Variants in FA2H observed in about 807,000 individuals in gnomAD.
FA2H encodes the protein fatty acid 2-hydroxylase.
Under a neutral mutation model 44.9 loss-of-function variants are expected in FA2H, and 22 were observed. The observed-to-expected ratio is 0.49, with a 90% CI of 0.35 to 0.70. The LOEUF is 0.70. Among genes scored for constraint, FA2H ranks in the 30% least tolerant of loss-of-function variants. FA2H has a pLI of 0.01. For synonymous variants in FA2H, 243 were observed against 213.2 expected (o/e 1.14, Z -1.22); for missense variants, 501 against 504.9 (o/e 0.99, Z 0.07).
intron 1 of FA2H, among the ~76,000 whole-genome samples, chr16:74,767,181 T>C (rs560429600): frequency 6.6e-6 from 1 of 152,188 alleles, no homozygotes; most frequent in Admixed American, 6.5e-5. Flanking sequence ...TGGTGGTGTG[T>C]GCCTGTAATC....
At chr16:74,757,364 A>C (rs934567895) in intron 1 of FA2H, among the ~76,000 whole-genome samples, 2 of 152,232 alleles carry the variant, frequency 1.3e-5, no homozygotes, top group African/African-American at 4.8e-5. Context: ...AAGTGTGGAG[A>C]AACAGGCATT....
chr16:74,732,522 C>A (rs932196045), intron 2 of FA2H, among the ~76,000 whole-genome samples: 3 of 150,680 alleles, frequency 2.0e-5, no homozygotes, highest in Middle Eastern at 3.4e-3. Context: ...CTGCAACCTC[C>A]ACTTCTCCGG....
rs146023740 is a variant in FA2H, at chr16:74,758,091, G to A, written c.270+16395C>T. On this transcript the variant is annotated intron_variant, in intron 1 of 6. Transcript: ENST00000219368. ...CACAAAAAATGATGGTATTTATAGA[G>A]GGACTAGAGTGAGAGGGAAACAATT... 2.8e-3 allele frequency among the ~76,000 whole-genome samples: 431 copies of A among 151,702 alleles called. 3 individuals carry two copies. Among genetic ancestry groups the A allele is most frequent in the African/African-American group, 0.01 (419 of 41,332 alleles).
intron 2 of FA2H, among the ~76,000 whole-genome samples, chr16:74,733,937 G>C (rs1249676390): frequency 1.3e-5 from 2 of 152,196 alleles, no homozygotes; most frequent in African/African-American, 4.8e-5. Flanking sequence ...CCTGGGAGGA[G>C]GGGTCCTGGG....
Position 74,720,180 on chromosome 16 carries a change from C to CTTTT in FA2H, c.614-1024_614-1021dup, listed in dbSNP as rs56341013. 6.9e-3 allele frequency among the ~76,000 whole-genome samples: 324 copies of CTTTT among 47,254 alleles called. 74 individuals are homozygous for CTTTT. Among genetic ancestry groups the CTTTT allele is most frequent in the African/African-American group, 0.023 (224 of 9,826 alleles). 31.0% of individuals were successfully genotyped at this position (47,254 alleles called of 152,430 possible). A position where few individuals can be genotyped will look rare whatever the true frequency, so the allele number is the denominator to read the frequency against. ...TTTGCTCCATATATTCATCCTCATC[C>CTTTT]TTTTTTTTTTTTTTTTTTTTTTTTT... On this transcript the variant is annotated intron_variant, in intron 4 of 6. Transcript: ENST00000219368.
chr16:74,768,965 G>A (rs994452768), intron 1 of FA2H, among the ~76,000 whole-genome samples: 8 of 152,082 alleles, frequency 5.3e-5, no homozygotes, highest in African/African-American at 1.7e-4. Flanking sequence ...AGCTGGCATA[G>A]TCAGATATCT....
At chr16:74,746,149 C>T (rs1045536298) in intron 1 of FA2H, among the ~76,000 whole-genome samples, 1 of 152,030 alleles carries the variant, frequency 6.6e-6, no homozygotes, top group Non-Finnish European at 1.5e-5. Flanking sequence ...AAGCAGACTA[C>T]AGTGAAATAG....
intron 2 of FA2H, among the ~76,000 whole-genome samples, chr16:74,738,028 C>T (rs2144631338): frequency 6.6e-6 from 1 of 152,296 alleles, no homozygotes; most frequent in Non-Finnish European, 1.5e-5. Flanking sequence ...AGAAAAGCAC[C>T]CTCTGCCCTC....
chr16:74,769,841 A>G (rs1962873312), intron 1 of FA2H, among the ~76,000 whole-genome samples: 1 of 152,186 alleles, frequency 6.6e-6, no homozygotes, highest in African/African-American at 2.4e-5. Context: ...TTCCCTGCTC[A>G]GCCACGGCTC....
intron 1 of FA2H, among the ~76,000 whole-genome samples, chr16:74,767,875 A>G (rs1481287030): frequency 6.6e-6 from 1 of 152,196 alleles, no homozygotes; most frequent in Admixed American, 6.5e-5. Flanking sequence ...AGCCAGGTGA[A>G]GAAAGTGTAC....
intron 4 of FA2H, among the ~76,000 whole-genome samples, chr16:74,725,032 C>T (rs1449218775): frequency 2.0e-5 from 3 of 152,168 alleles, no homozygotes; most frequent in Non-Finnish European, 4.4e-5. Flanking sequence ...GGTGATTCAG[C>T]GAGCAGGCCT....
chr16:74,713,888 C>G lies in FA2H; in HGVS notation c.*302G>C, dbSNP rs532087618. ...GCTCAGTTTTCTTCATTTCCCCTTG[C>G]GGCTGCTACCTGTGGCCACGGCCTG... On this transcript the variant is annotated 3_prime_UTR_variant, in exon 7 of 7. Coordinates refer to ENST00000219368, the MANE Select transcript of FA2H (RefSeq NM_024306.5). 4 of 393,868 alleles carry G rather than the reference C, an allele frequency of 1.0e-5. No individual in the cohort carries two copies. Among genetic ancestry groups the G allele is most frequent in the Non-Finnish European group, 1.9e-5 (4 of 212,674 alleles). The allele number at this position is 393,868 out of a possible 1,614,324, so 24.4% of individuals were successfully genotyped here. A position where few individuals can be genotyped will look rare whatever the true frequency, so the allele number is the denominator to read the frequency against.
At chr16:74,723,288 C>T (rs965512629) in intron 4 of FA2H, among the ~76,000 whole-genome samples, 8 of 152,196 alleles carry the variant, frequency 5.3e-5, no homozygotes, top group Non-Finnish European at 1.2e-4. Flanking sequence ...CTTGGCTTTT[C>T]TCCTCTTCCC....
chr16:74,740,735 C>A (rs975613377), intron 1 of FA2H, among the ~76,000 whole-genome samples: 2 of 151,852 alleles, frequency 1.3e-5, no homozygotes, highest in African/African-American at 4.8e-5. Flanking sequence ...GGAGAGACTG[C>A]AGGGAAAGAA....
rs1961630858 is a variant in FA2H, at chr16:74,713,875, T to C, written c.*315A>G. On this transcript the variant is annotated 3_prime_UTR_variant, in exon 7 of 7. Coordinates refer to ENST00000219368, the MANE Select transcript of FA2H (RefSeq NM_024306.5). ...GGTGGCCACGAGGGCTCAGTTTTCTTCATTTCCCCTTGCGGCTGCTACCTG... is the reference window on the plus strand; with the variant it reads ...GGTGGCCACGAGGGCTCAGTTTTCTCCATTTCCCCTTGCGGCTGCTACCTG... 8.1e-6 allele frequency: 3 copies of C among 369,130 alleles called. No individual in the cohort carries two copies. The highest frequency in any genetic ancestry group is 1.5e-5 in the Non-Finnish European group (3 of 196,948). 22.9% of individuals were successfully genotyped at this position (369,130 alleles called of 1,614,324 possible).
intron 1 of FA2H, among the ~76,000 whole-genome samples, chr16:74,753,756 C>T (rs985475305): frequency 6.6e-6 from 1 of 152,188 alleles, no homozygotes; most frequent in Non-Finnish European, 1.5e-5. Flanking sequence ...TTTCTTCTGT[C>T]CTTATCCTTC....
chr16:74,741,804 A>ATGTG (rs1289445691), intron 1 of FA2H, among the ~76,000 whole-genome samples: 1,202 of 57,292 alleles, frequency 0.021, 6 homozygotes, highest in Admixed American at 0.029. Context: ...ATATATATAT[A>ATGTG]TATATGTGTG....
intron 2 of FA2H, among the ~76,000 whole-genome samples, chr16:74,728,337 G>A (rs1961999571): frequency 6.6e-6 from 1 of 152,208 alleles, no homozygotes; most frequent in African/African-American, 2.4e-5. Context: ...TAGTTTAGTG[G>A]AGATACAAAG....
intron 1 of FA2H, 111 bp downstream of exon 1, chr16:74,774,375 G>T: frequency 9.4e-7 from 1 of 1,062,142 alleles, no homozygotes; most frequent in Non-Finnish European, 1.3e-6. Context: ...GGAAGGGAGG[G>T]CAGAAGCTGT....
Sources: gnomAD v4.1 joint callset for allele counts (sites outside exome capture counted in the v4.1 genomes callset) on GRCh38, gnomAD v4.1.1 for gene constraint, MANE v1.5 for transcripts, NCBI Gene and HGNC (gene_info 2026-07-23, HGNC 2026-07-21) for gene names.